RIMS2: variants seen among roughly 807,000 people sequenced by gnomAD.
RIMS2 encodes regulating synaptic membrane exocytosis protein 2.
In RIMS2, 59 loss-of-function variants were observed where a neutral mutation model predicts 174.4. The observed-to-expected ratio is 0.34, with a 90% CI of 0.27 to 0.42. The LOEUF is 0.42. RIMS2 is among the 10% of genes least tolerant of loss of function. RIMS2 has a pLI of 1.00. For synonymous variants in RIMS2, 606 were observed against 572.5 expected (o/e 1.06, Z -0.84); for missense variants, 1,620 against 1,666.3 (o/e 0.97, Z 0.48).
chr8:103,588,064 G>A (rs1226386384), intron 1 of RIMS2, among the ~76,000 whole-genome samples: 1 of 151,874 alleles, frequency 6.6e-6, no homozygotes, highest in African/African-American at 2.4e-5. Flanking sequence ...AAAGTTACAG[G>A]ATACAAAAGC....
At chr8:103,699,959 T>C (rs2097149521) in intron 2 of RIMS2, among the ~76,000 whole-genome samples, 2 of 152,200 alleles carry the variant, frequency 1.3e-5, no homozygotes, top group South Asian at 4.1e-4. Context: ...CCTCAAATTC[T>C]TTGGAATTTG....
intron 19 of RIMS2, among the ~76,000 whole-genome samples, chr8:104,035,065 T>C (rs1366269843): frequency 2.6e-5 from 4 of 152,164 alleles, no homozygotes; most frequent in Admixed American, 2.6e-4. Context: ...GAAACTAATC[T>C]TGGACTTATA....
intron 19 of RIMS2, chr8:104,015,379 T>C: frequency 1.5e-6 from 1 of 667,008 alleles, no homozygotes; most frequent in Non-Finnish European, 2.7e-6. Context: ...CCTTTTTGTT[T>C]GTTTGTTTTT....
At chr8:103,989,321 G>A in exon 17 of RIMS2, 2 of 1,609,034 alleles carry the variant, frequency 1.2e-6, no homozygotes, top group Non-Finnish European at 1.7e-6. Context: ...TGTGGAACAG[G>A]GGCTTCGAGG....
At chr8:104,009,450 C>T (rs1565824426) in intron 17 of RIMS2, among the ~76,000 whole-genome samples, 2 of 152,046 alleles carry the variant, frequency 1.3e-5, no homozygotes, top group East Asian at 3.9e-4. Flanking sequence ...TTTGCCACCA[C>T]ACCCGCTATT....
chr8:104,094,795 T>C (rs942773090), intron 19 of RIMS2: 6 of 585,746 alleles, frequency 1.0e-5, no homozygotes, highest in African/African-American at 1.9e-5. Flanking sequence ...TCCTAAAAAT[T>C]ATTTTGCCAT....
chr8:103,718,677 T>C (rs1591025460), intron 2 of RIMS2, among the ~76,000 whole-genome samples: 1 of 150,736 alleles, frequency 6.6e-6, no homozygotes, highest in Non-Finnish European at 1.5e-5. Flanking sequence ...TTTGTGGGGG[T>C]GGGGAGGGAG....
chr8:104,075,420 CT>C (rs2097270552), intron 19 of RIMS2, among the ~76,000 whole-genome samples: 1 of 152,276 alleles, frequency 6.6e-6, no homozygotes, highest in East Asian at 1.9e-4. Context: ...AAAAAAATGC[CT>C]GCTAGGCATA....
In RIMS2 at chr8:103,538,498, C is replaced by G. The variant is rs74985906; in HGVS notation, c.176+37436C>G. Reference sequence around the variant, plus strand: ...CTCGCCCCCCTCCACTCTTCCCCCCCAAGTCCCCAAAGTCCATTGTATCAT... The same window carrying G: ...CTCGCCCCCCTCCACTCTTCCCCCCGAAGTCCCCAAAGTCCATTGTATCAT... On this transcript the variant is annotated intron_variant, in intron 1 of 23. Transcript: ENST00000504942. Among the ~76,000 whole-genome samples the G allele has an allele frequency of 2.4e-4, 35 of 144,386 alleles. 1 individual carries two copies. Among genetic ancestry groups the G allele is most frequent in the Admixed American group, 7.6e-4 (11 of 14,416 alleles). The allele number at this position is 144,386 out of a possible 152,430, so 94.7% of individuals were successfully genotyped here.
chr8:103,567,152 T>G (rs769321482), intron 1 of RIMS2, among the ~76,000 whole-genome samples: 29 of 152,238 alleles, frequency 1.9e-4, no homozygotes, highest in Admixed American at 3.3e-4. Flanking sequence ...ATAACATGTG[T>G]CAGTACTTTA....
intron 3 of RIMS2, among the ~76,000 whole-genome samples, chr8:103,876,867 TA>T (rs1565060648): frequency 0.011 from 304 of 28,404 alleles, 1 homozygote; most frequent in Middle Eastern, 0.023. Context: ...CACTATTTTA[TA>T]TATATATATA....
At chr8:104,164,291 A>G (rs2098783072) in intron 19 of RIMS2, among the ~76,000 whole-genome samples, 1 of 152,282 alleles carries the variant, frequency 6.6e-6, no homozygotes, top group Non-Finnish European at 1.5e-5. Context: ...ATCTTACTGG[A>G]AGCACTAGTT....
intron 3 of RIMS2, among the ~76,000 whole-genome samples, chr8:103,785,682 T>C (rs1282343177): frequency 2.0e-5 from 3 of 152,180 alleles, no homozygotes; most frequent in Admixed American, 2.0e-4. Flanking sequence ...CAGTATTTTA[T>C]TGAGGATTTT....
At chr8:103,556,160 G>A (rs940810701) in intron 1 of RIMS2, among the ~76,000 whole-genome samples, 2 of 152,064 alleles carry the variant, frequency 1.3e-5, no homozygotes, top group Non-Finnish European at 2.9e-5. Context: ...ACAGCATATT[G>A]TACAGTTGAA....
chr8:104,201,416 A>G (rs2099054066), intron 19 of RIMS2, among the ~76,000 whole-genome samples: 1 of 152,216 alleles, frequency 6.6e-6, no homozygotes, highest in South Asian at 2.1e-4. Context: ...CTCTTCAATG[A>G]AATATATGTC....
chr8:104,188,736 A>G (rs1023801721), intron 19 of RIMS2, among the ~76,000 whole-genome samples: 3 of 151,934 alleles, frequency 2.0e-5, no homozygotes, highest in African/African-American at 4.8e-5. Flanking sequence ...GGTAGTAAAT[A>G]TAACAAAATG....
intron 2 of RIMS2, among the ~76,000 whole-genome samples, chr8:103,716,584 C>A (rs1410276255): frequency 4.0e-5 from 6 of 151,862 alleles, no homozygotes; most frequent in Non-Finnish European, 8.8e-5. Flanking sequence ...TAGAATTTAG[C>A]ATTTTTTTCA....
chr8:103,785,067 G>C (rs991710021), intron 3 of RIMS2, among the ~76,000 whole-genome samples: 4 of 141,720 alleles, frequency 2.8e-5, no homozygotes, highest in African/African-American at 1.1e-4. Context: ...TTGGCTCTCT[G>C]TTTGTCTGTT....
At chr8:104,074,567 G>A (rs2097256214) in intron 19 of RIMS2, among the ~76,000 whole-genome samples, 1 of 152,146 alleles carries the variant, frequency 6.6e-6, no homozygotes, top group African/African-American at 2.4e-5. Context: ...TGATTTTAGT[G>A]TGGCTCAGAT....
Sources: gnomAD v4.1 joint callset for allele counts (sites outside exome capture counted in the v4.1 genomes callset) on GRCh38, gnomAD v4.1.1 for gene constraint, MANE v1.5 for transcripts, NCBI Gene and HGNC (gene_info 2026-07-23, HGNC 2026-07-21) for gene names.